Variants in ARFGAP3 observed in about 807,000 individuals in gnomAD.
ARFGAP3 encodes ARF GTPase activating protein 3.
Under a neutral mutation model 75.0 loss-of-function variants are expected in ARFGAP3, and 72 were observed. The ratio of observed to expected loss-of-function variants is 0.96; its 90% CI spans 0.79 to 1.17. ARFGAP3 has a LOEUF of 1.17. Ranked by LOEUF, ARFGAP3 falls within the 50% of genes most tolerant of loss-of-function variation. The probability of loss-of-function intolerance (pLI) is 0.00; values close to 1 mark genes in which losing one functional copy is unlikely to be tolerated. For synonymous variants in ARFGAP3, 221 were observed against 217.9 expected, an observed-to-expected ratio of 1.01 and a Z score of -0.13; for missense variants, 620 against 626.6, an observed-to-expected ratio of 0.99 and a Z score of 0.11.
At chr22:42,805,098 G>A (rs1013559985) in intron 14 of ARFGAP3, among the ~76,000 whole-genome samples, 2 of 152,100 alleles carry the variant, frequency 1.3e-5, no homozygotes, top group Non-Finnish European at 2.9e-5. Flanking sequence ...AGACCCCGGC[G>A]GGGGCAGGGG....
chr22:42,843,709 C>A (rs893749008), intron 2 of ARFGAP3, among the ~76,000 whole-genome samples: 1 of 152,184 alleles, frequency 6.6e-6, no homozygotes, highest in African/African-American at 2.4e-5. Context: ...GTCCCTAACC[C>A]CAGGCCAACA....
intron 14 of ARFGAP3, among the ~76,000 whole-genome samples, chr22:42,799,707 T>C (rs1924771888): frequency 6.6e-6 from 1 of 152,226 alleles, no homozygotes; most frequent in Non-Finnish European, 1.5e-5. Flanking sequence ...ATTTGCTTGC[T>C]CTGGGGTTAT....
intron 11 of ARFGAP3, among the ~76,000 whole-genome samples, chr22:42,815,224 C>T (rs1409343628): frequency 6.6e-6 from 1 of 152,126 alleles, no homozygotes; most frequent in Non-Finnish European, 1.5e-5. Context: ...ATGTAGTTTC[C>T]AAATCAAATT....
At chr22:42,808,504 G>GA (rs1174041179) in intron 13 of ARFGAP3, among the ~76,000 whole-genome samples, 1 of 152,142 alleles carries the variant, frequency 6.6e-6, no homozygotes, top group Non-Finnish European at 1.5e-5. Context: ...AAAGATACTG[G>GA]ATAATGGCTA....
chr22:42,799,003 C>A, intron 15 of ARFGAP3, 36 bp downstream of exon 15: 1 of 1,577,662 alleles, frequency 6.3e-7, no homozygotes, highest in Non-Finnish European at 8.7e-7. Context: ...CTGAACCTAC[C>A]GTCATAGCCA....
intron 15 of ARFGAP3, 44 bp from the exon 16 acceptor site, chr22:42,797,649 G>T: frequency 6.2e-7 from 1 of 1,613,830 alleles, no homozygotes. Flanking sequence ...ATTCAGCAGC[G>T]ATCCCTGACT....
At chr22:42,840,713 G>C (rs1292285593) in intron 3 of ARFGAP3, among the ~76,000 whole-genome samples, 6 of 152,100 alleles carry the variant, frequency 3.9e-5, no homozygotes, top group Non-Finnish European at 8.8e-5. Flanking sequence ...ACAGGCGTGA[G>C]ACACCACACC....
intron 6 of ARFGAP3, among the ~76,000 whole-genome samples, chr22:42,831,192 C>T (rs541728456): frequency 6.7e-6 from 1 of 150,212 alleles, no homozygotes; most frequent in South Asian, 2.1e-4. Flanking sequence ...GAGGCTGAGG[C>T]AGGAGAATTG....
intron 2 of ARFGAP3, among the ~76,000 whole-genome samples, chr22:42,844,602 A>AG (rs1926929481): frequency 8.5e-6 from 1 of 117,750 alleles, no homozygotes; most frequent in Non-Finnish European, 1.7e-5. Context: ...AAAAAAAAAA[A>AG]AAAAATAAAA....
At chr22:42,807,286 T>G in intron 13 of ARFGAP3, 123 bp from the exon 14 acceptor site, 1 of 1,449,780 alleles carries the variant, frequency 6.9e-7, no homozygotes. Context: ...TTCCAACAGT[T>G]ACTGAATGCC....
intron 2 of ARFGAP3, among the ~76,000 whole-genome samples, chr22:42,847,018 C>T (rs1355191498): frequency 1.3e-5 from 2 of 152,212 alleles, no homozygotes; most frequent in East Asian, 1.9e-4. Context: ...AGTGAGAACG[C>T]TGAGCGTGCT....
chr22:42,816,785 C>T (rs1379086135), intron 11 of ARFGAP3, among the ~76,000 whole-genome samples: 2 of 152,188 alleles, frequency 1.3e-5, no homozygotes, highest in African/African-American at 4.8e-5. Flanking sequence ...CAGAAATCTG[C>T]TGAAGCCCTG....
rs765668404 is a variant in ARFGAP3 at position 42,847,480 on chromosome 22, T to G, written c.188+34A>C. 4 of 1,553,056 alleles carry G rather than the reference T, an allele frequency of 2.6e-6. No individual in the cohort carries two copies. In the South Asian group the frequency reaches 4.5e-5, roughly 17 times the overall value. On this transcript the variant is annotated intron_variant, in intron 2 of 15. Transcript: ENST00000263245. ...AAAAAACACCCATGTAACAATGTAA[T>G]CAATCTCACCCCAATGAGAGAAGAT...
intron 1 of ARFGAP3, among the ~76,000 whole-genome samples, chr22:42,849,328 T>C (rs887912916): frequency 6.6e-6 from 1 of 152,202 alleles, no homozygotes; most frequent in African/African-American, 2.4e-5. Flanking sequence ...TGTGCCCTTC[T>C]CTACCTCCAC....
intron 2 of ARFGAP3, 33 bp from the exon 3 acceptor site, chr22:42,841,049 T>A (rs927947332): frequency 6.2e-7 from 1 of 1,602,192 alleles, no homozygotes. Flanking sequence ...ACTGTTAATA[T>A]TTTTTATCCC....
intron 2 of ARFGAP3, among the ~76,000 whole-genome samples, chr22:42,841,371 G>A (rs978161020): frequency 3.3e-5 from 5 of 152,120 alleles, no homozygotes; most frequent in African/African-American, 1.2e-4. Context: ...TTTTCAGGTC[G>A]GTGATCTACT....
chr22:42,814,926 T>C (rs1925514106), intron 11 of ARFGAP3, among the ~76,000 whole-genome samples: 1 of 152,156 alleles, frequency 6.6e-6, no homozygotes, highest in East Asian at 1.9e-4. Context: ...TTTGTAAAGA[T>C]GAGGTCTCAC....
At chr22:42,852,380 G>C (rs1368806616) in intron 1 of ARFGAP3, among the ~76,000 whole-genome samples, 1 of 150,404 alleles carries the variant, frequency 6.6e-6, no homozygotes, top group East Asian at 2.0e-4. Flanking sequence ...TTTTTTTTGA[G>C]ATAGGGTCTC....
intron 2 of ARFGAP3, among the ~76,000 whole-genome samples, chr22:42,844,685 AC>A (rs1926934731): frequency 6.6e-6 from 1 of 152,050 alleles, no homozygotes; most frequent in African/African-American, 2.4e-5. Flanking sequence ...ACAGGTGTGA[AC>A]CACTATGTCC....
Sources: gnomAD v4.1 joint callset for allele counts (sites outside exome capture counted in the v4.1 genomes callset) on GRCh38, gnomAD v4.1.1 for gene constraint, MANE v1.5 for transcripts, NCBI Gene and HGNC (gene_info 2026-07-23, HGNC 2026-07-21) for gene names.